The following COL28A1 variants were observed in gnomAD, a reference collection of about 807,000 sequenced individuals.
The protein encoded by COL28A1 is collagen type XXVIII alpha 1 chain, also known as collagen alpha-1(XXVIII) chain.
A neutral mutation model predicts 150.2 loss-of-function variants in COL28A1; 161 were observed. The ratio of observed to expected loss-of-function variants is 1.07; its 90% confidence interval spans 0.94 to 1.22. The LOEUF (loss-of-function observed/expected upper bound fraction) is 1.22. COL28A1 is among the 50% of genes most tolerant of loss of function. The probability of loss-of-function intolerance (pLI) is 0.00; values close to 1 mark genes in which losing one functional copy is unlikely to be tolerated. For missense variants in COL28A1, 1,617 were observed against 1,388.3 expected, an observed-to-expected ratio of 1.16 and a Z score of -2.62; for synonymous variants, 552 against 469.7, an observed-to-expected ratio of 1.18 and a Z score of -2.26.
chr7:7,479,069 G>A (rs1026123941), intron 13 of COL28A1, among the ~76,000 whole-genome samples: 13 of 152,234 alleles, frequency 8.5e-5, no homozygotes, highest in Admixed American at 8.5e-4. Flanking sequence ...GAGCAAGTGA[G>A]GGCTGCGAGG....
chr7:7,504,913 T>A (rs10276745), intron 11 of COL28A1, among the ~76,000 whole-genome samples: 43,102 of 151,786 alleles, frequency 0.28, 6,642 homozygotes, highest in African/African-American at 0.41. Context: ...AAATATATAT[T>A]TTTTTCTTAC....
chr7:7,364,282 T>TGAGAATCA (rs1271677935), intron 33 of COL28A1, among the ~76,000 whole-genome samples: 9 of 152,222 alleles, frequency 5.9e-5, no homozygotes, highest in Admixed American at 5.9e-4. Context: ...TGAAGGCAAT[T>TGAGAATCA]GAGAATCAGA....
chr7:7,473,678 A>T (rs1027233755), intron 15 of COL28A1, among the ~76,000 whole-genome samples: 2 of 152,206 alleles, frequency 1.3e-5, no homozygotes, highest in Non-Finnish European at 2.9e-5. Context: ...CAGCAATCCC[A>T]CTACTGGGTA....
At chr7:7,538,617 C>T (rs1239842169), upstream of COL28A1, among the ~76,000 whole-genome samples, 1 of 152,004 alleles carries the variant, frequency 6.6e-6, no homozygotes, top group Non-Finnish European at 1.5e-5. Context: ...AGTACCAGTG[C>T]CAACATCTTA....
At chr7:7,460,147 A>G (rs1787491275) in intron 15 of COL28A1, among the ~76,000 whole-genome samples, 1 of 152,208 alleles carries the variant, frequency 6.6e-6, no homozygotes, top group Admixed American at 6.5e-5. Context: ...CCTATGAAAT[A>G]TCTTTCATCC....
rs370364828 is a variant in COL28A1, at chr7:7,437,414, G to A, written c.1771C>T (p.Pro591Ser). 181 of 1,613,260 alleles carry A rather than the reference G, an allele frequency of 1.1e-4. No individual in the cohort carries two copies. The highest frequency in any genetic ancestry group is 1.4e-4 in the Non-Finnish European group (160 of 1,179,778). The change falls in exon 22 of 35, where the codon CCT (proline) becomes TCT (serine). Residue 591 changes from proline (P) to serine (S), a missense_variant. By Grantham distance (74) the Pro-to-Ser change is moderately conservative. Transcript: ENST00000399429. ...TATACCTTTGGCCCAGGTGGTCCAG[G>A]AATTGATGTTCCAGGCATTCCAAAA... ...GPFGMPGTSIPGPPGPKGDRG... is the reference protein window; with the variant it reads ...GPFGMPGTSISGPPGPKGDRG...
chr7:7,361,694 G>C (rs1251444402), intron 33 of COL28A1, among the ~76,000 whole-genome samples: 1 of 151,982 alleles, frequency 6.6e-6, no homozygotes, highest in African/African-American at 2.4e-5. Flanking sequence ...GTTTTTTCTT[G>C]TAAATTTGTT....
At chr7:7,518,942 T>C (rs1037328165) in intron 6 of COL28A1, among the ~76,000 whole-genome samples, 3 of 152,222 alleles carry the variant, frequency 2.0e-5, no homozygotes, top group Non-Finnish European at 4.4e-5. Flanking sequence ...CTCTTGAAAA[T>C]TGTGTTCAGA....
chr7:7,446,050 C>G (rs6960158), intron 18 of COL28A1, among the ~76,000 whole-genome samples: 31,902 of 151,768 alleles, frequency 0.21, 4,574 homozygotes, highest in African/African-American at 0.41. Flanking sequence ...TAGAGACGGG[C>G]TTTCTCCATG....
chr7:7,451,384 C>A (rs1786680056), intron 18 of COL28A1, among the ~76,000 whole-genome samples: 1 of 152,140 alleles, frequency 6.6e-6, no homozygotes, highest in Admixed American at 6.5e-5. Context: ...CATCAATACG[C>A]CCAGCTAATT....
intron 27 of COL28A1, among the ~76,000 whole-genome samples, chr7:7,387,646 T>G (rs964861818): frequency 5.3e-5 from 8 of 152,206 alleles, no homozygotes; most frequent in African/African-American, 1.9e-4. Context: ...TTAACATTTA[T>G]AGAATCTGGG....
chr7:7,505,964 G>C (rs552021119), intron 11 of COL28A1, 50 bp downstream of exon 11: 3 of 878,616 alleles, frequency 3.4e-6, no homozygotes, highest in Non-Finnish European at 5.9e-6. Flanking sequence ...TTACTATAGC[G>C]CACTAGGGGA....
the COL28A1 span, among the ~76,000 whole-genome samples, chr7:7,348,073 T>A: frequency 6.6e-6 from 1 of 151,984 alleles, no homozygotes; most frequent in East Asian, 1.9e-4. Context: ...GGAAATAGAT[T>A]TGAGAGATTT....
At chr7:7,422,571 G>T (rs1784433689) in intron 25 of COL28A1, among the ~76,000 whole-genome samples, 2 of 152,010 alleles carry the variant, frequency 1.3e-5, no homozygotes, top group South Asian at 4.2e-4. Flanking sequence ...AGAGGTTGCA[G>T]TGAACCAAAA....
chr7:7,478,488 T>A (rs537863850), intron 13 of COL28A1, among the ~76,000 whole-genome samples: 2 of 152,272 alleles, frequency 1.3e-5, no homozygotes, highest in Non-Finnish European at 2.9e-5. Context: ...CTTCACCCAG[T>A]GGATCTCGCA....
At chr7:7,458,340 G>A (rs552961052) in intron 15 of COL28A1, among the ~76,000 whole-genome samples, 17 of 151,984 alleles carry the variant, frequency 1.1e-4, no homozygotes, top group Admixed American at 1.3e-4. Flanking sequence ...CATTTGAACC[G>A]GGGAGGTGAA....
intron 27 of COL28A1, among the ~76,000 whole-genome samples, chr7:7,388,468 C>T (rs1782333545): frequency 6.6e-6 from 1 of 152,120 alleles, no homozygotes; most frequent in Non-Finnish European, 1.5e-5. Flanking sequence ...CCGCGATAAA[C>T]ATGTGGGTGC....
At chr7:7,429,813 C>T (rs1197651231) in intron 25 of COL28A1, among the ~76,000 whole-genome samples, 2 of 152,150 alleles carry the variant, frequency 1.3e-5, no homozygotes, top group Non-Finnish European at 2.9e-5. Flanking sequence ...GTACTCTTCT[C>T]CCCCGGGCTC....
Position 7,425,587 on chromosome 7 carries a change from A to G in COL28A1, c.1999-5634T>C, listed in dbSNP as rs141744920. 1.3e-3 allele frequency among the ~76,000 whole-genome samples: 205 copies of G among 152,268 alleles called. 2 individuals carry two copies. Among genetic ancestry groups the G allele is most frequent in the African/African-American group, 4.5e-3 (187 of 41,552 alleles). On this transcript the variant is annotated intron_variant, in intron 25 of 34. Transcript: ENST00000399429. ...TAATTGACTTCATTCCAGATCTCCT[A>G]CCTATACCAGTTCTTAATCTCTCTT... is the stretch of plus-strand genomic sequence containing the variant.
Sources: gnomAD v4.1 joint callset for allele counts (sites outside exome capture counted in the v4.1 genomes callset) on GRCh38, gnomAD v4.1.1 for gene constraint, MANE v1.5 for transcripts, NCBI Gene and HGNC (gene_info 2026-07-23, HGNC 2026-07-21) for gene names.